Variants in GLYATL2 observed in about 807,000 individuals in gnomAD.
GLYATL2 encodes the protein glycine-N-acyltransferase like 2, also known as glycine N-acyltransferase-like protein 2.
A neutral mutation model predicts 21.4 loss-of-function variants in GLYATL2; 25 were observed. The ratio of observed to expected loss-of-function variants is 1.17; its 90% CI spans 0.85 to 1.63. The LOEUF is 1.63. GLYATL2 is among the 40% of genes most tolerant of loss of function. The pLI is 0.00. For synonymous variants in GLYATL2, 114 were observed against 118.2 expected, an observed-to-expected ratio of 0.96 and a Z score of 0.23; for missense variants, 361 against 343.3, an observed-to-expected ratio of 1.05 and a Z score of -0.41.
intron 1 of GLYATL2, chr11:58,840,942 A>G (rs1301927794): frequency 6.6e-6 from 1 of 151,630 alleles, no homozygotes; most frequent in African/African-American, 2.4e-5. Flanking sequence ...GTATATGTAC[A>G]TTTGCATATA....
chr11:58,862,447 G>A (rs1398753859), intron 1 of GLYATL2, among the ~76,000 whole-genome samples: 2 of 151,976 alleles, frequency 1.3e-5, no homozygotes, highest in Admixed American at 6.6e-5. Flanking sequence ...TATGTACATT[G>A]GATCTCTTAC....
chr11:58,884,683 A>G (rs1205861358), intron 1 of GLYATL2, among the ~76,000 whole-genome samples: 4 of 152,140 alleles, frequency 2.6e-5, no homozygotes, highest in Non-Finnish European at 5.9e-5. Context: ...GAGGAAGGGC[A>G]TGGGGTTTGG....
intron 1 of GLYATL2, among the ~76,000 whole-genome samples, chr11:58,882,952 A>C (rs1357186198): frequency 6.6e-6 from 1 of 152,186 alleles, no homozygotes; most frequent in Non-Finnish European, 1.5e-5. Flanking sequence ...TGTTTTGGTT[A>C]CTGTAGCCTT....
intron 1 of GLYATL2, among the ~76,000 whole-genome samples, chr11:58,852,203 C>A (rs1590723328): frequency 6.6e-6 from 1 of 152,164 alleles, no homozygotes. Context: ...GTTCCCTTAA[C>A]CCTCTTTCCA....
chr11:58,857,354 C>A (rs1264042007), intron 1 of GLYATL2, among the ~76,000 whole-genome samples: 1 of 152,220 alleles, frequency 6.6e-6, no homozygotes, highest in Non-Finnish European at 1.5e-5. Context: ...GGGGAGCTAG[C>A]GGCAGCTGGC....
chr11:58,864,760 T>C lies in GLYATL2; in HGVS notation n.61-26392A>G, dbSNP rs1019049617. Among the ~76,000 whole-genome samples the C allele has an allele frequency of 2.7e-5, 4 of 149,246 alleles. 1 individual carries two copies. The highest frequency in any genetic ancestry group is 5.9e-5 in the Non-Finnish European group (4 of 67,240). On this transcript the variant is annotated intron_variant and non_coding_transcript_variant, in intron 1 of 4. Transcript: ENST00000533636. ...TTGTTAAGGTATTCTTGTGCATAGA[T>C]AGTTGTTTAAATTGATGTTTTTCTG... is the stretch of plus-strand genomic sequence containing the variant.
At chr11:58,881,749 C>A (rs564458635) in intron 1 of GLYATL2, among the ~76,000 whole-genome samples, 1 of 152,312 alleles carries the variant, frequency 6.6e-6, no homozygotes, top group East Asian at 1.9e-4. Flanking sequence ...CCCTCCACCC[C>A]ACGACAGGCC....
chr11:58,845,138 A>G (rs1362677544), upstream of GLYATL2, among the ~76,000 whole-genome samples: 2 of 152,336 alleles, frequency 1.3e-5, no homozygotes, highest in South Asian at 4.1e-4. Context: ...CACCTCCTTC[A>G]AGATCAATTA....
At chr11:58,838,561 T>G (rs1352315859) in intron 2 of GLYATL2, among the ~76,000 whole-genome samples, 193 bp from the exon 3 acceptor site, 2 of 152,112 alleles carry the variant, frequency 1.3e-5, no homozygotes, top group Non-Finnish European at 2.9e-5. Flanking sequence ...CCAAAAAGCA[T>G]CCACAAAAAT....
chr11:58,891,016 T>G (rs562842514), intron 1 of GLYATL2, among the ~76,000 whole-genome samples: 1 of 152,292 alleles, frequency 6.6e-6, no homozygotes, highest in South Asian at 2.1e-4. Flanking sequence ...TATAATTCTT[T>G]GAATATTTAC....
At chr11:58,865,238 G>C (rs1463175531) in intron 1 of GLYATL2, among the ~76,000 whole-genome samples, 1 of 148,714 alleles carries the variant, frequency 6.7e-6, no homozygotes, top group Admixed American at 6.9e-5. Flanking sequence ...ATTTCTGATG[G>C]TTACTGAATC....
Position 58,867,801 on chromosome 11 carries a change from G to A in GLYATL2, n.61-29433C>T, listed in dbSNP as rs192627463. 2.7e-5 allele frequency among the ~76,000 whole-genome samples: 4 copies of A among 148,942 alleles called. No homozygotes were observed. In the East Asian group the frequency reaches 6.7e-4, roughly 25 times the overall value. ...CGTGACACATAAGGCTAAACCTTTC[G>A]GTTTTGAACCACAGACTAGATATAT... On this transcript the variant is annotated intron_variant and non_coding_transcript_variant, in intron 1 of 4. Transcript: ENST00000533636.
intron 1 of GLYATL2, among the ~76,000 whole-genome samples, chr11:58,897,679 G>A (rs1030344436): frequency 1.3e-5 from 2 of 152,036 alleles, no homozygotes; most frequent in African/African-American, 4.8e-5. Flanking sequence ...ATGTGTTATA[G>A]GGCCTTGGTA....
intron 1 of GLYATL2, among the ~76,000 whole-genome samples, chr11:58,866,751 A>T (rs1286585476): frequency 6.7e-6 from 1 of 149,290 alleles, no homozygotes; most frequent in Non-Finnish European, 1.5e-5. Context: ...GAAGAGGTGC[A>T]CAGGCATCTA....
At chr11:58,901,878 A>T (rs1047067975) in intron 1 of GLYATL2, among the ~76,000 whole-genome samples, 3 of 152,194 alleles carry the variant, frequency 2.0e-5, no homozygotes, top group Non-Finnish European at 2.9e-5. Context: ...ATCTCCGAGT[A>T]CCACTGTATG....
At chr11:58,844,401 G>T (rs1853606178) in intron 1 of GLYATL2, 33 bp downstream of exon 1, 1 of 152,168 alleles carries the variant, frequency 6.6e-6, no homozygotes, top group Non-Finnish European at 1.5e-5. Context: ...GAACTGCCAA[G>T]ATAAAAAGGC....
intron 1 of GLYATL2, among the ~76,000 whole-genome samples, chr11:58,852,590 T>C (rs1443405374): frequency 2.0e-5 from 3 of 152,196 alleles, no homozygotes; most frequent in Non-Finnish European, 4.4e-5. Context: ...GTAAATAGCT[T>C]GCTCAAAATT....
chr11:58,875,805 T>A (rs764342663), intron 1 of GLYATL2, among the ~76,000 whole-genome samples: 11 of 152,320 alleles, frequency 7.2e-5, no homozygotes, highest in Non-Finnish European at 1.0e-4. Context: ...TTTGTGGCAT[T>A]CTCTGTATTT....
chr11:58,861,483 A>G (rs190517551), intron 1 of GLYATL2, among the ~76,000 whole-genome samples: 1 of 151,494 alleles, frequency 6.6e-6, no homozygotes, highest in African/African-American at 2.4e-5. Flanking sequence ...CGTCTGGATA[A>G]AGGTTTGTCA....
Sources: allele counts gnomAD v4.1 joint callset (sites outside exome capture counted in the v4.1 genomes callset), GRCh38; gene constraint gnomAD v4.1.1; transcripts MANE v1.5; gene names NCBI Gene and HGNC (gene_info 2026-07-23, HGNC 2026-07-21).